Variants in MGARP observed in about 807,000 individuals in gnomAD.
MGARP encodes mitochondria localized glutamic acid rich protein.
In MGARP, 12 loss-of-function variants were observed where a neutral mutation model predicts 11.0. The ratio of observed to expected loss-of-function variants is 1.09; its 90% CI spans 0.70 to 1.77. The LOEUF is 1.77. Among genes scored for constraint, MGARP ranks in the 40% most tolerant of loss-of-function variants. The probability of loss-of-function intolerance (pLI) is 0.00; values close to 1 mark genes in which losing one functional copy is unlikely to be tolerated. For synonymous variants in MGARP, 110 were observed against 115.4 expected, an observed-to-expected ratio of 0.95 and a Z score of 0.30; for missense variants, 283 against 297.8, an observed-to-expected ratio of 0.95 and a Z score of 0.36.
intron 1 of MGARP, among the ~76,000 whole-genome samples, chr4:139,276,474 G>A (rs956779040): frequency 6.6e-6 from 1 of 152,174 alleles, no homozygotes; most frequent in Admixed American, 6.5e-5. Context: ...AATGGCACTG[G>A]AGGCAGAAGG....
intron 2 of MGARP, among the ~76,000 whole-genome samples, chr4:139,270,882 C>A (rs527918395): frequency 1.3e-5 from 2 of 152,232 alleles, no homozygotes; most frequent in Non-Finnish European, 2.9e-5. Context: ...ACAAACCGAA[C>A]CAGTACACAA....
At position 139,266,791 on chromosome 4, in the gene MGARP, T is replaced by G; in HGVS notation, c.531A>C (p.Pro177=). Residue 177 remains proline (P), a synonymous_variant, in exon 4 of 4, where the codon CCA becomes CCC. Coordinates refer to ENST00000398955, the MANE Select transcript of MGARP (RefSeq NM_032623.4). ...CATCCAGGGCAGCATTTGTAACCTC[T>G]GGGGTTGTTTCAGGGTTTACTTCCG... The part of the protein sequence containing the change: ...ETTEVNPETT[P]EVTNAALDEA... 1 of 1,614,214 alleles carries G rather than the reference T, an allele frequency of 6.2e-7. No individual in the cohort carries two copies. Among genetic ancestry groups the G allele is most frequent in the Non-Finnish European group, 8.5e-7 (1 of 1,180,042 alleles).
intron 1 of MGARP, among the ~76,000 whole-genome samples, chr4:139,277,782 AG>A (rs1345212926): frequency 1.3e-5 from 2 of 152,152 alleles, no homozygotes; most frequent in Admixed American, 6.5e-5. Context: ...GGAAGGAATG[AG>A]GGGAAAAAAA....
intron 3 of MGARP, among the ~76,000 whole-genome samples, 163 bp from the exon 4 acceptor site, chr4:139,267,204 C>T (rs868078404): frequency 2.6e-5 from 4 of 152,106 alleles, no homozygotes; most frequent in African/African-American, 9.6e-5. Flanking sequence ...ACAATGTATA[C>T]AGTCTGCTAC....
Position 139,268,672 on chromosome 4 carries a change from C to T in MGARP, c.280G>A (p.Gly94Ser), listed in dbSNP as rs1744731468. 1.3e-6 allele frequency: 2 copies of T among 1,576,480 alleles called. No homozygotes were observed. Among genetic ancestry groups the T allele is most frequent in the Non-Finnish European group, 1.7e-6 (2 of 1,158,616 alleles). ...KTKAEIHPFQ[G>S]EKENVAETEK... ...ATAAAAAATTAAGAAATTCATTTAC[C>T]TTGAAATGGATGTATCTCTGCTTTT... Residue 94 changes from glycine to serine, a missense_variant and splice_region_variant, in exon 3 of 4, where the codon GGT (glycine) becomes AGT (serine). Gly to Ser is a moderately conservative substitution (Grantham distance 56, BLOSUM62 0). Transcript: ENST00000398955.
At position 139,266,323 on chromosome 4, in the gene MGARP, G is replaced by T. The variant is rs1246698541; in HGVS notation, c.*276C>A. 4 of 321,844 alleles carry T rather than the reference G, an allele frequency of 1.2e-5. No homozygotes were observed. The highest frequency in any genetic ancestry group is 1.1e-4 in the East Asian group (2 of 17,694). 19.9% of individuals were successfully genotyped at this position (321,844 alleles called of 1,614,324 possible). The stretch of plus-strand genomic sequence containing the variant: ...AAATTCAGAGATGACTGGGATAAAA[G>T]AAAAGTGTCTAGAAAAAAAAACCAA... On this transcript the variant is annotated 3_prime_UTR_variant, in exon 4 of 4. Transcript: ENST00000398955.
chr4:139,277,258 TG>T (rs1334695203), intron 1 of MGARP, among the ~76,000 whole-genome samples: 3 of 152,220 alleles, frequency 2.0e-5, no homozygotes, highest in African/African-American at 7.2e-5. Context: ...TCTTAAGGCA[TG>T]CTTACAAACC....
At chr4:139,276,903 A>G (rs1163192540) in intron 1 of MGARP, among the ~76,000 whole-genome samples, 2 of 152,294 alleles carry the variant, frequency 1.3e-5, no homozygotes, top group East Asian at 1.9e-4. Context: ...GATATTCTTT[A>G]TTTTGGAATA....
chr4:139,267,219 G>A (rs1226323140), intron 3 of MGARP, among the ~76,000 whole-genome samples, 178 bp from the exon 4 acceptor site: 1 of 152,134 alleles, frequency 6.6e-6, no homozygotes, highest in African/African-American at 2.4e-5. Flanking sequence ...TGCTACTATT[G>A]TTAGGGCAAA....
intron 2 of MGARP, among the ~76,000 whole-genome samples, chr4:139,270,254 C>T (rs1744758088): frequency 6.8e-6 from 1 of 146,030 alleles, no homozygotes; most frequent in Admixed American, 7.0e-5. Context: ...GAGCCGAGAT[C>T]GCACCATTGC....
At chr4:139,273,518 T>C (rs35512309) in intron 2 of MGARP, among the ~76,000 whole-genome samples, 40,710 of 145,442 alleles carry the variant, frequency 0.28, 6,022 homozygotes, top group African/African-American at 0.4. Flanking sequence ...TTCTTTTTTT[T>C]TTTTTTTTTT....
At position 139,275,339 on chromosome 4, in the gene MGARP, T is replaced by C. The variant is rs1156261926; in HGVS notation, c.136A>G (p.Met46Val). Residue 46 changes from methionine (M) to valine (V), a missense_variant, in exon 2 of 4, where the codon ATG (methionine) becomes GTG (valine). Met to Val is a conservative substitution (Grantham distance 21). Transcript: ENST00000398955. ...ACGCCTACAACCAGATAATAAATCA[T>C]ATTTGATCCAGATGATCCAGGGAAT... ...NRFPGSSGSNMIYYLVVGVTV... is the reference protein window; with the variant it reads ...NRFPGSSGSNVIYYLVVGVTV... 2 of 1,614,058 alleles carry C rather than the reference T, an allele frequency of 1.2e-6. No homozygotes were observed. Among genetic ancestry groups the C allele is most frequent in the South Asian group, 2.2e-5 (2 of 91,084 alleles).
chr4:139,267,072 A>C, intron 3 of MGARP, 31 bp from the exon 4 acceptor site: 7 of 1,595,438 alleles, frequency 4.4e-6, no homozygotes, highest in Non-Finnish European at 6.0e-6. Flanking sequence ...GCAAGGTATT[A>C]ATTTAAAGAT....
At chr4:139,272,323 G>A (rs1379161605) in intron 2 of MGARP, among the ~76,000 whole-genome samples, 2 of 151,956 alleles carry the variant, frequency 1.3e-5, no homozygotes, top group African/African-American at 2.4e-5. Flanking sequence ...TTGGGAGGCC[G>A]AGGCAGGAAG....
chr4:139,267,135 C>G, intron 3 of MGARP, 94 bp from the exon 4 acceptor site: 1 of 1,174,904 alleles, frequency 8.5e-7, no homozygotes, highest in Non-Finnish European at 1.2e-6. Context: ...GACAGAACTA[C>G]ATGCACTGAT....
rs149706719 is a variant in MGARP at position 139,268,765 on chromosome 4, C to A, written c.187G>T (p.Ala63Ser). 678 of 1,601,084 alleles carry A rather than the reference C, an allele frequency of 4.2e-4. 3 individuals carry two copies. The African/African-American group carries it at 8.2e-3, about 19-fold the overall frequency. The change falls in exon 3 of 4, where the codon GCT becomes TCT. Residue 63 changes from alanine to serine, a missense_variant and splice_region_variant. Ala to Ser is a moderately conservative substitution (Grantham distance 99, BLOSUM62 1). Transcript: ENST00000398955. ...GVTVSAGGYY[A>S]YKTVTSDQAK... ...TGGTCTGATGTGACTGTCTTGTAAGCCTGAAAGTAAATGTATGCTTAGGTT... is the reference window on the plus strand; with the variant it reads ...TGGTCTGATGTGACTGTCTTGTAAGACTGAAAGTAAATGTATGCTTAGGTT...
At position 139,268,693 on chromosome 4, in the gene MGARP, C is replaced by T. The variant is rs760261847; in HGVS notation, c.259G>A (p.Ala87Thr). The part of the protein sequence containing the change: ...HKTNLKEKTK[A>T]EIHPFQGEKE... ...TTACCTTGAAATGGATGTATCTCTG[C>T]TTTTGTTTTTTCTTTCAAATTTGTT... The change falls in exon 3 of 4, where the codon GCA becomes ACA. Residue 87 changes from alanine to threonine, a missense_variant. Ala to Thr is a moderately conservative substitution (Grantham distance 58). Coordinates refer to ENST00000398955, the MANE Select transcript of MGARP (RefSeq NM_032623.4). The T allele has an allele frequency of 2.5e-6, 4 of 1,608,580 alleles. No homozygotes were observed. In the East Asian group the frequency reaches 8.9e-5, roughly 36 times the overall value.
At position 139,266,642 on chromosome 4, in the gene MGARP, T is replaced by C; in HGVS notation, c.680A>G (p.Glu227Gly). The change falls in exon 4 of 4, where the codon GAG becomes GGG. Residue 227 changes from glutamate (E) to glycine (G), a missense_variant. Coordinates refer to ENST00000398955, the MANE Select transcript of MGARP (RefSeq NM_032623.4). ...SESSAGDDLQ[E>G]EASVGSEAAS... The stretch of plus-strand genomic sequence containing the variant: ...AGCCTCAGAGCCAACACTGGCTTCC[T>C]CCTGTAAATCATCTCCAGCAGAGGA... 6.2e-7 allele frequency: 1 copy of C among 1,614,092 alleles called. No individual in the cohort carries two copies. Among genetic ancestry groups the C allele is most frequent in the Non-Finnish European group, 8.5e-7 (1 of 1,180,004 alleles).
chr4:139,270,298 C>CAAAA (rs963066917), intron 2 of MGARP, among the ~76,000 whole-genome samples: 2 of 66,456 alleles, frequency 3.0e-5, no homozygotes, highest in Admixed American at 1.8e-4. Flanking sequence ...AACTCCGTCT[C>CAAAA]AAAAAAAAAA....
Sources: allele counts gnomAD v4.1 joint callset (sites outside exome capture counted in the v4.1 genomes callset), GRCh38; gene constraint gnomAD v4.1.1; transcripts MANE v1.5; gene names NCBI Gene and HGNC (gene_info 2026-07-23, HGNC 2026-07-21).